The following HSD17B4 variants were observed in gnomAD, a reference collection of about 807,000 sequenced individuals.
HSD17B4 encodes the protein peroxisomal multifunctional enzyme type 2.
HSD17B4 carries 70 observed loss-of-function variants against 101.0 expected under a neutral mutation model. The observed-to-expected ratio is 0.69, with a 90% CI of 0.57 to 0.85. The LOEUF is 0.85. HSD17B4 is among the 40% of genes least tolerant of loss of function. The pLI, the probability that HSD17B4 is intolerant of heterozygous loss-of-function variation, is 0.00. For missense variants in HSD17B4, 984 were observed against 892.4 expected (o/e 1.10, Z -1.31); for synonymous variants, 347 against 297.1 (o/e 1.17, Z -1.73).
At chr5:119,496,372 C>A (rs372252037) in intron 11 of HSD17B4, among the ~76,000 whole-genome samples, 171 bp from the exon 12 acceptor site, 1 of 152,138 alleles carries the variant, frequency 6.6e-6, no homozygotes, top group Non-Finnish European at 1.5e-5. Context: ...TTCAGTCTTT[C>A]GCAATTTTTT....
At chr5:119,502,505 CTT>C (rs150987924) in intron 14 of HSD17B4, among the ~76,000 whole-genome samples, 1 of 146,030 alleles carries the variant, frequency 6.8e-6, no homozygotes, top group African/African-American at 2.5e-5. Flanking sequence ...TCATTTTTTT[CTT>C]TTTTTTTGGA....
intron 13 of HSD17B4, among the ~76,000 whole-genome samples, chr5:119,500,464 A>C (rs909328736): frequency 6.6e-6 from 1 of 152,052 alleles, no homozygotes; most frequent in Non-Finnish European, 1.5e-5. Flanking sequence ...TTATACATAC[A>C]CATTTATTTT....
chr5:119,492,568 C>A (rs1264221643), intron 10 of HSD17B4: 2 of 168,122 alleles, frequency 1.2e-5, no homozygotes, highest in Non-Finnish European at 2.6e-5. Flanking sequence ...TTATTTTCTT[C>A]CATGAAGCAG....
At chr5:119,520,854 C>CT (rs777927736) in intron 17 of HSD17B4, among the ~76,000 whole-genome samples, 9 of 152,014 alleles carry the variant, frequency 5.9e-5, no homozygotes, top group Non-Finnish European at 1.3e-4. Flanking sequence ...GATTGCTGTT[C>CT]TTTGGCTTCG....
chr5:119,501,995 TG>T, intron 13 of HSD17B4, 45 bp from the exon 14 acceptor site: 1 of 1,183,328 alleles, frequency 8.5e-7, no homozygotes, highest in Non-Finnish European at 1.3e-6. Context: ...GCAGAACCTG[TG>T]GAGCAAGAAA....
At position 119,475,809 on chromosome 5, in the gene HSD17B4, AC is replaced by A. The variant is rs1288445452; in HGVS notation, c.303-14del. 47 of 1,595,274 alleles carry A rather than the reference AC, an allele frequency of 2.9e-5. No homozygotes were observed. Among genetic ancestry groups the A allele is most frequent in the Non-Finnish European group, 4.0e-5 (46 of 1,163,156 alleles). Reference sequence around the variant, plus strand: ...TACTTTCCTCCTTTTACCCTATACAACATTGATTTTTTAGAATTCTGAGGGA... The same window carrying A: ...TACTTTCCTCCTTTTACCCTATACAAATTGATTTTTTAGAATTCTGAGGGA... On this transcript the variant is annotated splice_polypyrimidine_tract_variant and intron_variant, in intron 5 of 23. Coordinates refer to ENST00000510025, the MANE Select transcript of HSD17B4 (RefSeq NM_000414.4).
At chr5:119,513,055 T>TA (rs1185682272) in intron 16 of HSD17B4, among the ~76,000 whole-genome samples, 2 of 152,090 alleles carry the variant, frequency 1.3e-5, no homozygotes, top group Admixed American at 6.6e-5. Context: ...GGCCCGCATT[T>TA]AAAAAAAAGT....
intron 14 of HSD17B4, among the ~76,000 whole-genome samples, chr5:119,502,937 A>G (rs1264083675): frequency 6.6e-6 from 1 of 152,178 alleles, no homozygotes; most frequent in Non-Finnish European, 1.5e-5. Flanking sequence ...TATCTGCTGG[A>G]TACCCAGTAT....
chr5:119,506,930 A>C, intron 15 of HSD17B4, 41 bp downstream of exon 15: 1 of 1,044,904 alleles, frequency 9.6e-7, no homozygotes, highest in Non-Finnish European at 1.5e-6. Flanking sequence ...TGTTAGATTG[A>C]TAGGCTTTGT....
chr5:119,518,277 G>A (rs1042089703), intron 17 of HSD17B4, among the ~76,000 whole-genome samples: 25 of 152,000 alleles, frequency 1.6e-4, no homozygotes, highest in African/African-American at 4.6e-4. Context: ...AACACTCACC[G>A]CGAAGGTCTG....
At chr5:119,530,861 A>AC (rs1326124184) in intron 21 of HSD17B4, among the ~76,000 whole-genome samples, 28 of 130,888 alleles carry the variant, frequency 2.1e-4, no homozygotes, top group East Asian at 4.6e-4. Flanking sequence ...AAAAAAAAAA[A>AC]AACAAAAAAC....
At chr5:119,505,819 G>A (rs942556733) in intron 14 of HSD17B4, among the ~76,000 whole-genome samples, 1 of 151,758 alleles carries the variant, frequency 6.6e-6, no homozygotes, top group Non-Finnish European at 1.5e-5. Context: ...AAAGAATGGG[G>A]TAAACAGTAT....
chr5:119,531,482 T>C lies in HSD17B4; in HGVS notation c.1993+78T>C, dbSNP rs903598199. The C allele has an allele frequency of 8.7e-6, 12 of 1,377,848 alleles. No homozygotes were observed. In the East Asian group the frequency reaches 2.4e-4, roughly 28 times the overall value. 85.4% of individuals were successfully genotyped at this position (1,377,848 alleles called of 1,614,324 possible). ...AGTATCTTTTTAACAATTAAAGACC[T>C]TTGAAGGTAGGTAAATCTTACCTTT... On this transcript the variant is annotated intron_variant, in intron 22 of 23. Transcript: ENST00000510025.
intron 12 of HSD17B4, among the ~76,000 whole-genome samples, chr5:119,497,882 C>G (rs1478211960): frequency 3.3e-5 from 5 of 151,742 alleles, no homozygotes; most frequent in Admixed American, 2.6e-4. Flanking sequence ...TTTTCTTGAC[C>G]ATCAGTAATC....
rs1554069007 is a variant in HSD17B4 at position 119,531,568 on chromosome 5, G to GT, written c.1993+164_1993+165insT. ...ATAGGTTTGGGAATGTCCAAAGGGGGGTGTGTGTGTGTGTGTGTGTGTGTG... is the reference window on the plus strand; with the variant it reads ...ATAGGTTTGGGAATGTCCAAAGGGGGTGTGTGTGTGTGTGTGTGTGTGTGTG... On this transcript the variant is annotated intron_variant, in intron 22 of 23. Coordinates refer to ENST00000510025, the MANE Select transcript of HSD17B4 (RefSeq NM_000414.4). Among the ~76,000 whole-genome samples the GT allele has an allele frequency of 0.15, 17,924 of 116,384 alleles. 1,370 individuals are homozygous for GT. The highest frequency in any genetic ancestry group is 0.25 in the African/African-American group (8,748 of 35,706). The allele number at this position is 116,384 out of a possible 152,430, so 76.4% of individuals were successfully genotyped here. A position where few individuals can be genotyped will look rare whatever the true frequency, so the allele number is the denominator to read the frequency against.
At chr5:119,468,909 G>T (rs1756076786) in intron 2 of HSD17B4, among the ~76,000 whole-genome samples, 1 of 146,090 alleles carries the variant, frequency 6.8e-6, no homozygotes. Flanking sequence ...GCTTTCAATT[G>T]TATTTTTAAA....
intron 17 of HSD17B4, among the ~76,000 whole-genome samples, chr5:119,520,716 A>G (rs1392993343): frequency 6.6e-6 from 1 of 151,846 alleles, no homozygotes; most frequent in African/African-American, 2.4e-5. Flanking sequence ...CTAGTTGTTT[A>G]TGGTAGAAGA....
chr5:119,475,718 A>G lies in HSD17B4; in HGVS notation c.293A>G (p.Asn98Ser), dbSNP rs1392361503. Residue 98 changes from asparagine to serine, a missense_variant, in exon 5 of 24, where the codon AAC becomes AGC. Physicochemically the swap from Asn to Ser is conservative, Grantham distance 46. Coordinates refer to ENST00000510025, the MANE Select transcript of HSD17B4 (RefSeq NM_000414.4). ...TTTTATATTGTAGATGTTGTGGTCA[A>G]CAATGCTGGGTGAGTATTTCTTTTT... ...DAFGRIDVVV[N>S]NAGILRDRSF... 1.9e-6 allele frequency: 3 copies of G among 1,599,152 alleles called. No homozygotes were observed. The highest frequency in any genetic ancestry group is 2.6e-6 in the Non-Finnish European group (3 of 1,168,048).
chr5:119,496,775 T>C lies in HSD17B4; in HGVS notation c.972+129T>C, dbSNP rs1750687688. On this transcript the variant is annotated intron_variant, in intron 12 of 23. Transcript: ENST00000510025. ...GATGCAGTTACTTTCTTTCAGTCTCTAATAATGGAGAGAAGCAGTGGCAGA... is the reference window on the plus strand; with the variant it reads ...GATGCAGTTACTTTCTTTCAGTCTCCAATAATGGAGAGAAGCAGTGGCAGA... The C allele has an allele frequency of 2.1e-5, 16 of 763,034 alleles. 1 individual carries two copies. The East Asian group carries it at 3.9e-4, about 19-fold the overall frequency. 47.3% of individuals were successfully genotyped at this position (763,034 alleles called of 1,614,324 possible).
Sources: gnomAD v4.1 joint callset for allele counts (sites outside exome capture counted in the v4.1 genomes callset) on GRCh38, gnomAD v4.1.1 for gene constraint, MANE v1.5 for transcripts, NCBI Gene and HGNC (gene_info 2026-07-23, HGNC 2026-07-21) for gene names.